Variants in LYN observed in about 807,000 individuals in gnomAD.
The protein encoded by LYN is LYN proto-oncogene, Src family tyrosine kinase.
Under a neutral mutation model 65.0 loss-of-function variants are expected in LYN, and 12 were observed. The ratio of observed to expected loss-of-function variants is 0.18; its 90% CI spans 0.12 to 0.30. The LOEUF (loss-of-function observed/expected upper bound fraction) is 0.30. Ranked by LOEUF, LYN falls within the 10% of genes least tolerant of loss-of-function variation. The pLI is 1.00. For missense variants in LYN, 380 were observed against 623.2 expected, an observed-to-expected ratio of 0.61 and a Z score of 4.16; for synonymous variants, 222 against 221.2, an observed-to-expected ratio of 1.00 and a Z score of -0.03.
At chr8:55,965,962 T>TAAAAATACAAAATTAC (rs1807443465) in intron 8 of LYN, among the ~76,000 whole-genome samples, 1 of 152,024 alleles carries the variant, frequency 6.6e-6, no homozygotes, top group East Asian at 1.9e-4. Flanking sequence ...ACGTCTCTAC[T>TAAAAATACAAAATTAC]AAAAATACAA....
chr8:55,902,317 T>C (rs1175048537), intron 1 of LYN, among the ~76,000 whole-genome samples: 2 of 121,588 alleles, frequency 1.6e-5, no homozygotes, highest in Non-Finnish European at 3.5e-5. Flanking sequence ...CGTAACAGTG[T>C]ACTTTCTTTC....
chr8:56,007,658 G>A (rs1193921903), intron 12 of LYN, among the ~76,000 whole-genome samples: 1 of 152,194 alleles, frequency 6.6e-6, no homozygotes, highest in Non-Finnish European at 1.5e-5. Flanking sequence ...AAAAAGGTAA[G>A]TTAAAGGCAG....
At chr8:55,985,098 C>A (rs1808040457) in intron 10 of LYN, among the ~76,000 whole-genome samples, 1 of 152,168 alleles carries the variant, frequency 6.6e-6, no homozygotes, top group South Asian at 2.1e-4. Flanking sequence ...GCAAGTGATC[C>A]TTTTTCTAGG....
chr8:55,999,511 T>C lies in LYN; in HGVS notation c.1298T>C (p.Leu433Pro). The C allele has an allele frequency of 6.2e-7, 1 of 1,613,786 alleles. No individual in the cohort carries two copies. The change falls in exon 12 of 13, where the codon CTA becomes CCA. Residue 433 changes from leucine to proline, a missense_variant. This residue lies in a region of LYN where 223 missense variants were observed against 430.0 expected (regional missense o/e 0.52). Transcript: ENST00000519728. ...GATGTGTGGTCCTTTGGAATCCTCCTATACGAAATTGTCACCTATGGGAAA... is the reference window on the plus strand; with the variant it reads ...GATGTGTGGTCCTTTGGAATCCTCCCATACGAAATTGTCACCTATGGGAAA... ...KSDVWSFGIL[L>P]YEIVTYGKIP...
chr8:55,946,949 T>A (rs947055445), intron 3 of LYN, among the ~76,000 whole-genome samples: 1 of 152,292 alleles, frequency 6.6e-6, no homozygotes, highest in African/African-American at 2.4e-5. Flanking sequence ...TAATATTTCC[T>A]TGTAAGTATA....
chr8:55,904,742 C>G (rs545554981), intron 1 of LYN, among the ~76,000 whole-genome samples: 6 of 152,018 alleles, frequency 3.9e-5, no homozygotes, highest in Admixed American at 2.6e-4. Context: ...GAGCGAGACT[C>G]CATCTCAAAA....
chr8:55,901,623 G>T (rs960447239), intron 1 of LYN, among the ~76,000 whole-genome samples: 1 of 152,154 alleles, frequency 6.6e-6, no homozygotes, highest in African/African-American at 2.4e-5. Flanking sequence ...GTAGGGCCGG[G>T]GGAGGTCCTG....
chr8:55,907,421 C>T (rs1313930472), intron 1 of LYN, among the ~76,000 whole-genome samples: 1 of 152,192 alleles, frequency 6.6e-6, no homozygotes, highest in Admixed American at 6.5e-5. Flanking sequence ...AGAGGGGATG[C>T]CTTAGAAAGG....
chr8:55,975,633 A>G (rs1258001899), intron 10 of LYN, among the ~76,000 whole-genome samples: 3 of 152,186 alleles, frequency 2.0e-5, no homozygotes, highest in African/African-American at 7.2e-5. Flanking sequence ...ATCTTTTTTG[A>G]ATAATGAGTG....
intron 1 of LYN, among the ~76,000 whole-genome samples, chr8:55,908,981 T>G (rs1805507268): frequency 2.5e-5 from 1 of 39,552 alleles, no homozygotes; most frequent in Non-Finnish European, 5.0e-5. Flanking sequence ...TGGTATTCCA[T>G]TGTGTATGTA....
intron 10 of LYN, among the ~76,000 whole-genome samples, chr8:55,977,529 T>G (rs1807790488): frequency 6.6e-6 from 1 of 152,210 alleles, no homozygotes; most frequent in Admixed American, 6.5e-5. Context: ...GTTTTATTAC[T>G]GTTTTTGTTG....
In LYN at chr8:55,900,549, T is replaced by C. The variant is rs573410932; in HGVS notation, c.-6+20446T>C. On this transcript the variant is annotated intron_variant, in intron 1 of 12. Transcript: ENST00000519728. The stretch of plus-strand genomic sequence containing the variant: ...CACCATGCCCAGCTAATTTTTTTTT[T>C]TTTTTTTTTTTGGTGGAGATAGGAC... 5.2e-3 allele frequency among the ~76,000 whole-genome samples: 790 copies of C among 150,962 alleles called. 2 individuals carry two copies. Among genetic ancestry groups the C allele is most frequent in the Non-Finnish European group, 8.9e-3 (604 of 67,602 alleles).
chr8:56,002,375 C>T (rs568034406), intron 12 of LYN, among the ~76,000 whole-genome samples: 46 of 151,362 alleles, frequency 3.0e-4, no homozygotes, highest in African/African-American at 5.8e-4. Context: ...GCTGAGATCG[C>T]GCCACTGCAA....
chr8:55,915,426 T>A (rs1376241928), intron 1 of LYN, among the ~76,000 whole-genome samples: 1 of 152,242 alleles, frequency 6.6e-6, no homozygotes, highest in East Asian at 1.9e-4. Flanking sequence ...AATTTTGTGA[T>A]CTTGGGCCTG....
At chr8:56,008,124 A>AAAAAAAAAAAAAAAAT (rs1221275260) in intron 12 of LYN, among the ~76,000 whole-genome samples, 4 of 86,638 alleles carry the variant, frequency 4.6e-5, no homozygotes, top group African/African-American at 1.6e-4. Context: ...GCCTCAAAAA[A>AAAAAAAAAAAAAAAAT]AAAATAAAAT....
chr8:55,950,961 A>C (rs1806925992), intron 6 of LYN, among the ~76,000 whole-genome samples, 177 bp downstream of exon 6: 2 of 152,214 alleles, frequency 1.3e-5, no homozygotes, highest in South Asian at 4.1e-4. Flanking sequence ...AAAGTAATAT[A>C]GTTGAGTGTG....
At chr8:55,976,037 G>A (rs1247644593) in intron 10 of LYN, among the ~76,000 whole-genome samples, 5 of 152,076 alleles carry the variant, frequency 3.3e-5, no homozygotes, top group South Asian at 2.1e-4. Flanking sequence ...GAGTGCTACC[G>A]TAAGTCACAA....
chr8:55,931,527 C>T (rs994259504), intron 1 of LYN, among the ~76,000 whole-genome samples: 1 of 151,700 alleles, frequency 6.6e-6, no homozygotes, highest in African/African-American at 2.4e-5. Context: ...AGGGCAAAAC[C>T]AAAAATAGCT....
chr8:55,908,981 T>TTGTG (rs1423172159), intron 1 of LYN, among the ~76,000 whole-genome samples: 6 of 39,552 alleles, frequency 1.5e-4, no homozygotes, highest in East Asian at 1.2e-3. Context: ...TGGTATTCCA[T>TTGTG]TGTGTATGTA....
Sources: allele counts gnomAD v4.1 joint callset (sites outside exome capture counted in the v4.1 genomes callset), GRCh38; gene constraint gnomAD v4.1.1; regional missense constraint gnomAD v4.1.1; transcripts MANE v1.5; gene names NCBI Gene and HGNC (gene_info 2026-07-23, HGNC 2026-07-21).